STK32A: variants seen among roughly 807,000 people sequenced by gnomAD.
STK32A encodes serine/threonine-protein kinase 32A.
Under a neutral mutation model 53.2 loss-of-function variants are expected in STK32A, and 41 were observed. That is an observed-to-expected ratio of 0.77 (90% confidence interval 0.60 to 1.00). The LOEUF is 1.00. Ranked by LOEUF, STK32A falls within the 50% of genes least tolerant of loss-of-function variation. The pLI is 0.00. For missense variants in STK32A, 458 were observed against 485.8 expected, an observed-to-expected ratio of 0.94 and a Z score of 0.54; for synonymous variants, 166 against 162.8, an observed-to-expected ratio of 1.02 and a Z score of -0.15.
At chr5:147,323,092 A>G (rs981501107) in intron 4 of STK32A, among the ~76,000 whole-genome samples, 1 of 152,236 alleles carries the variant, frequency 6.6e-6, no homozygotes, top group South Asian at 2.1e-4. Flanking sequence ...TGGCACCTGG[A>G]GAACGTTTTG....
chr5:147,396,348 G>A, the STK32A span, among the ~76,000 whole-genome samples: 2 of 152,190 alleles, frequency 1.3e-5, no homozygotes, highest in Non-Finnish European at 2.9e-5. Context: ...TAGGCCTTGT[G>A]CCAGGCACTA....
intron 11 of STK32A, among the ~76,000 whole-genome samples, chr5:147,381,174 G>A (rs1336947463): frequency 6.6e-6 from 1 of 152,170 alleles, no homozygotes; most frequent in Non-Finnish European, 1.5e-5. Context: ...CTGCCAGATA[G>A]AGGACCCTTG....
intron 4 of STK32A, among the ~76,000 whole-genome samples, chr5:147,291,750 C>G (rs886981145): frequency 1.3e-5 from 2 of 152,178 alleles, no homozygotes; most frequent in South Asian, 4.1e-4. Flanking sequence ...AATTTAAAAA[C>G]AGGTGTGCTA....
At chr5:147,360,896 A>G (rs1221224888) in intron 7 of STK32A, among the ~76,000 whole-genome samples, 1 of 152,156 alleles carries the variant, frequency 6.6e-6, no homozygotes, top group Non-Finnish European at 1.5e-5. Context: ...TGGGGGTAAA[A>G]TTGACTGTAG....
intron 6 of STK32A, 61 bp downstream of exon 6, chr5:147,343,104 C>T (rs2151988817): frequency 1.3e-6 from 2 of 1,545,182 alleles, no homozygotes; most frequent in Non-Finnish European, 1.8e-6. Context: ...GTTGATTGTT[C>T]CCAGCAGAGG....
At chr5:147,294,076 C>T (rs920184060) in intron 4 of STK32A, among the ~76,000 whole-genome samples, 5 of 151,990 alleles carry the variant, frequency 3.3e-5, no homozygotes, top group Admixed American at 6.6e-5. Context: ...TCAAGAAAAC[C>T]CTGTGGTTCC....
intron 6 of STK32A, among the ~76,000 whole-genome samples, chr5:147,345,656 T>C (rs938780247): frequency 6.6e-5 from 10 of 152,168 alleles, no homozygotes; most frequent in African/African-American, 2.2e-4. Flanking sequence ...CATTCTGCTG[T>C]CTTTCATGTG....
At chr5:147,361,359 T>C (rs1756495189) in intron 7 of STK32A, among the ~76,000 whole-genome samples, 158 bp from the exon 8 acceptor site, 1 of 152,198 alleles carries the variant, frequency 6.6e-6, no homozygotes, top group South Asian at 2.1e-4. Context: ...AAATTAGAAA[T>C]GTTTGCCTGC....
Position 147,386,893 on chromosome 5 carries a change from G to A in STK32A, c.*2910G>A, listed in dbSNP as rs950243825. 2 of 152,184 alleles carry A rather than the reference G, an allele frequency of 1.3e-5. No homozygotes were observed. Among genetic ancestry groups the A allele is most frequent in the African/African-American group, 4.8e-5 (2 of 41,436 alleles). 9.4% of individuals were successfully genotyped at this position (152,184 alleles called of 1,614,324 possible). On this transcript the variant is annotated 3_prime_UTR_variant, in exon 13 of 13. Coordinates refer to ENST00000397936, the MANE Select transcript of STK32A (RefSeq NM_001112724.2). ...ATCTTTGTGGTCATTGCTAGTTGTT[G>A]ACATCAGATCCTTTGGTTTTATTCT... is the stretch of plus-strand genomic sequence containing the variant.
At chr5:147,293,294 G>T (rs1752692638) in intron 4 of STK32A, among the ~76,000 whole-genome samples, 1 of 151,858 alleles carries the variant, frequency 6.6e-6, no homozygotes, top group South Asian at 2.1e-4. Context: ...GGAACTTTTG[G>T]AATCTCATTC....
At chr5:147,260,326 C>G (rs1754498304) in intron 2 of STK32A, among the ~76,000 whole-genome samples, 1 of 145,968 alleles carries the variant, frequency 6.9e-6, no homozygotes, top group Non-Finnish European at 1.5e-5. Context: ...TCTTCTCCGT[C>G]TCTATCTGTC....
chr5:147,267,651 C>A (rs891930387), intron 2 of STK32A, among the ~76,000 whole-genome samples: 3 of 152,116 alleles, frequency 2.0e-5, no homozygotes, highest in African/African-American at 4.8e-5. Context: ...GAAGTTCTAT[C>A]ATTAATCATT....
chr5:147,262,469 C>T (rs149405420), intron 2 of STK32A, among the ~76,000 whole-genome samples: 1 of 152,200 alleles, frequency 6.6e-6, no homozygotes, highest in East Asian at 1.9e-4. Context: ...AAAATAGCCC[C>T]CATTTATTGA....
At chr5:147,243,903 C>T (rs188859520) in intron 2 of STK32A, among the ~76,000 whole-genome samples, 1 of 151,964 alleles carries the variant, frequency 6.6e-6, no homozygotes, top group Admixed American at 6.6e-5. Flanking sequence ...ACAAAATGTA[C>T]CATTTAATCA....
At chr5:147,244,413 A>T (rs1753702392) in intron 2 of STK32A, among the ~76,000 whole-genome samples, 1 of 152,206 alleles carries the variant, frequency 6.6e-6, no homozygotes, top group East Asian at 1.9e-4. Context: ...GAAGCACTGG[A>T]TCATATAATT....
At chr5:147,257,569 C>T (rs1000819612) in intron 2 of STK32A, among the ~76,000 whole-genome samples, 3 of 152,114 alleles carry the variant, frequency 2.0e-5, no homozygotes, top group African/African-American at 7.2e-5. Flanking sequence ...TTTGGCAGGG[C>T]TTTCCCCTGG....
intron 2 of STK32A, among the ~76,000 whole-genome samples, chr5:147,256,607 G>A (rs184619815): frequency 3.3e-3 from 508 of 152,248 alleles, no homozygotes; most frequent in Non-Finnish European, 4.6e-3. Flanking sequence ...TGCTTCCCAG[G>A]TTCAAGCAAT....
chr5:147,301,845 T>C (rs1377881735), intron 4 of STK32A, among the ~76,000 whole-genome samples: 1 of 152,082 alleles, frequency 6.6e-6, no homozygotes, highest in Non-Finnish European at 1.5e-5. Context: ...TGAGAATCTG[T>C]TTCATTATCT....
In STK32A at chr5:147,387,252, C is replaced by T. The variant is rs536078140; in HGVS notation, c.*3269C>T. On this transcript the variant is annotated 3_prime_UTR_variant, in exon 13 of 13. Coordinates refer to ENST00000397936, the MANE Select transcript of STK32A (RefSeq NM_001112724.2). ...TGCCACAACCCTAATTCCAGGAAGT[C>T]GTCTGCTAATGGCTAACCCACTGCC... The T allele has an allele frequency of 3.3e-5, 5 of 152,350 alleles. No individual in the cohort carries two copies. The highest frequency in any genetic ancestry group is 2.1e-4 in the South Asian group (1 of 4,822). 9.4% of individuals were successfully genotyped at this position (152,350 alleles called of 1,614,324 possible).
Sources: gnomAD v4.1 joint callset for allele counts (sites outside exome capture counted in the v4.1 genomes callset) on GRCh38, gnomAD v4.1.1 for gene constraint, MANE v1.5 for transcripts, NCBI Gene and HGNC (gene_info 2026-07-23, HGNC 2026-07-21) for gene names.